Variants in LGMN observed in about 807,000 individuals in gnomAD.
LGMN encodes the protein asparaginyl endopeptidase.
LGMN carries 36 observed loss-of-function variants against 56.8 expected under a neutral mutation model. The observed-to-expected ratio is 0.63, with a 90% CI of 0.49 to 0.84. The LOEUF is 0.84. LGMN is among the 40% of genes least tolerant of loss of function. LGMN has a pLI of 0.00. For missense variants in LGMN, 446 were observed against 556.1 expected, an observed-to-expected ratio of 0.80 and a Z score of 1.99; for synonymous variants, 199 against 210.1, an observed-to-expected ratio of 0.95 and a Z score of 0.46.
At chr14:92,722,856 C>T (rs1165422155) in intron 2 of LGMN, among the ~76,000 whole-genome samples, 1 of 152,130 alleles carries the variant, frequency 6.6e-6, no homozygotes, top group African/African-American at 2.4e-5. Context: ...CAACATCACC[C>T]ATCATTAAGA....
intron 1 of LGMN, among the ~76,000 whole-genome samples, chr14:92,738,390 T>C (rs565217696): frequency 6.6e-6 from 1 of 151,942 alleles, no homozygotes; most frequent in Admixed American, 6.5e-5. Flanking sequence ...ACCATTCTCC[T>C]GCCTCAGCCT....
intron 1 of LGMN, among the ~76,000 whole-genome samples, chr14:92,738,539 A>C (rs925389984): frequency 6.6e-6 from 1 of 151,234 alleles, no homozygotes; most frequent in African/African-American, 2.4e-5. Flanking sequence ...CAGCCTCCCA[A>C]AGTGCTGGGA....
At position 92,714,029 on chromosome 14, in the gene LGMN, T is replaced by G. The variant is rs1267381634; in HGVS notation, c.481-144A>C. ...CATGGTGAAGAACATAACCCCAGAA[T>G]GTCGTCACATGTTTTATGCACGCAT... On this transcript the variant is annotated intron_variant, in intron 6 of 13. Coordinates refer to ENST00000334869, the MANE Select transcript of LGMN (RefSeq NM_005606.7). The surrounding 1 kb of genome is among the most constrained non-coding windows in gnomAD (Gnocchi z 5.1). 5.6e-6 allele frequency: 4 copies of G among 708,320 alleles called. No homozygotes were observed. Among genetic ancestry groups the G allele is most frequent in the Non-Finnish European group, 7.6e-6 (3 of 395,492 alleles). 43.9% of individuals were successfully genotyped at this position (708,320 alleles called of 1,614,324 possible).
intron 4 of LGMN, 129 bp downstream of exon 4, chr14:92,717,251 A>G (rs1410860237): frequency 1.7e-6 from 1 of 582,914 alleles, no homozygotes; most frequent in Non-Finnish European, 3.1e-6. Flanking sequence ...AAAAATCCTA[A>G]TACGAATGTG....
chr14:92,733,116 C>T lies in LGMN; in HGVS notation c.-29-301G>A, dbSNP rs1891136519. On this transcript the variant is annotated intron_variant, in intron 1 of 13. Coordinates refer to ENST00000334869, the MANE Select transcript of LGMN (RefSeq NM_005606.7). ...GTGAGCTAGACTGTGCAACCATACTCCAGTCTGGGTGACAGAGTCAGACTC... is the reference window on the plus strand; with the variant it reads ...GTGAGCTAGACTGTGCAACCATACTTCAGTCTGGGTGACAGAGTCAGACTC... 2.0e-5 allele frequency among the ~76,000 whole-genome samples: 3 copies of T among 147,504 alleles called. No homozygotes were observed. In the South Asian group the frequency reaches 6.4e-4, roughly 32 times the overall value.
At chr14:92,719,171 C>CCAT (rs1441354937) in intron 2 of LGMN, among the ~76,000 whole-genome samples, 17 of 140,728 alleles carry the variant, frequency 1.2e-4, no homozygotes, top group Admixed American at 2.1e-4. Context: ...ACCACCACCA[C>CCAT]CACCACCACC....
At chr14:92,709,934 G>A (rs1245533873) in intron 10 of LGMN, 62 bp from the exon 11 acceptor site, 1 of 1,275,006 alleles carries the variant, frequency 7.8e-7, no homozygotes, top group Non-Finnish European at 1.1e-6. Context: ...GAGAAGGCCA[G>A]AGAGAGAGGG....
chr14:92,722,340 G>A (rs1231755604), intron 2 of LGMN, among the ~76,000 whole-genome samples: 2 of 152,020 alleles, frequency 1.3e-5, no homozygotes, highest in African/African-American at 4.8e-5. Context: ...GGGAGGCCAG[G>A]GATCCCAGCA....
chr14:92,713,917 A>G (rs960164954), intron 6 of LGMN, 32 bp from the exon 7 acceptor site: 28 of 1,528,680 alleles, frequency 1.8e-5, no homozygotes, highest in Non-Finnish European at 2.5e-5. Flanking sequence ...AGACCAACAC[A>G]TCAAGAGAAA....
intron 4 of LGMN, 41 bp from the exon 5 acceptor site, chr14:92,716,262 T>G: frequency 6.9e-7 from 1 of 1,452,218 alleles, no homozygotes. Flanking sequence ...CAGCTGTCGC[T>G]CCAACCCAGA....
At chr14:92,718,138 G>A (rs941899785) in intron 3 of LGMN, among the ~76,000 whole-genome samples, 35 of 152,154 alleles carry the variant, frequency 2.3e-4, no homozygotes, top group African/African-American at 8.2e-4. Flanking sequence ...CAGCCTGCTC[G>A]GAGCTTAGGA....
At chr14:92,726,162 A>G (rs913382638) in intron 2 of LGMN, among the ~76,000 whole-genome samples, 6 of 151,518 alleles carry the variant, frequency 4.0e-5, no homozygotes, top group African/African-American at 1.5e-4. Flanking sequence ...GCTTAAACCC[A>G]GGAGGCGGAG....
At chr14:92,734,430 TCCAACATGGCAAAACCCTGG>T (rs554259905) in intron 1 of LGMN, among the ~76,000 whole-genome samples, 59 of 152,158 alleles carry the variant, frequency 3.9e-4, no homozygotes, top group African/African-American at 8.4e-4. Context: ...GATCACCCTG[TCCAACATGGCAAAACCCTGG>T]CCAACATGGC....
intron 11 of LGMN, among the ~76,000 whole-genome samples, chr14:92,708,856 C>CAAAAAAAAAAAAAAAAAAAAAAAAAAAAA (rs58813848): frequency 2.8e-5 from 2 of 71,642 alleles, no homozygotes; most frequent in African/African-American, 5.1e-5. Flanking sequence ...ACTCTTGTCT[C>CAAAAAAAAAAAAAAAAAAAAAAAAAAAAA]AAAAAAAAAA....
At chr14:92,719,250 C>T (rs1381462708) in intron 2 of LGMN, among the ~76,000 whole-genome samples, 1 of 22,098 alleles carries the variant, frequency 4.5e-5, no homozygotes, top group Admixed American at 5.2e-4. Flanking sequence ...CCACCGCCAC[C>T]ACCACCACCG....
chr14:92,713,133 G>A (rs939979440), intron 7 of LGMN, among the ~76,000 whole-genome samples: 12 of 152,312 alleles, frequency 7.9e-5, no homozygotes, highest in East Asian at 1.9e-4. Context: ...TAAGGAAAAC[G>A]GTTCCACCAT....
intron 7 of LGMN, 44 bp from the exon 8 acceptor site, chr14:92,712,915 G>C: frequency 2.5e-6 from 4 of 1,570,780 alleles, no homozygotes; most frequent in African/African-American, 1.3e-5. Flanking sequence ...ATCCAGGTAC[G>C]GGCCTCCAGC....
rs564835208 is a variant in LGMN at position 92,716,964 on chromosome 14, A to G, written c.318+416T>C. Among the ~76,000 whole-genome samples the G allele has an allele frequency of 2.0e-5, 3 of 152,304 alleles. No homozygotes were observed. In the South Asian group the frequency reaches 6.2e-4, roughly 32 times the overall value. On this transcript the variant is annotated intron_variant, in intron 4 of 13. Coordinates refer to ENST00000334869, the MANE Select transcript of LGMN (RefSeq NM_005606.7). ...TTATAGCTATAATACACTATATAAT[A>G]AACTATATAACAATAATAAATGAAA...
chr14:92,739,384 A>C (rs1189455924), intron 1 of LGMN, among the ~76,000 whole-genome samples: 1 of 152,068 alleles, frequency 6.6e-6, no homozygotes, highest in African/African-American at 2.4e-5. Flanking sequence ...CACAGGCCTC[A>C]TCTCACAGAG....
Sources: gnomAD v4.1 joint callset for allele counts (sites outside exome capture counted in the v4.1 genomes callset) on GRCh38, gnomAD v4.1.1 for gene constraint, Gnocchi (gnomAD v3.1) non-coding constraint, MANE v1.5 for transcripts, NCBI Gene and HGNC (gene_info 2026-07-23, HGNC 2026-07-21) for gene names.